Variants in C1orf54 observed in about 807,000 individuals in gnomAD.
The protein encoded by C1orf54 is chromosome 1 open reading frame 54.
A neutral mutation model predicts 14.7 loss-of-function variants in C1orf54; 12 were observed. The ratio of observed to expected loss-of-function variants is 0.82; its 90% CI spans 0.52 to 1.32. The LOEUF is 1.32. Among genes scored for constraint, C1orf54 ranks in the 40% most tolerant of loss-of-function variants. The pLI is 0.00. For synonymous variants in C1orf54, 65 were observed against 56.3 expected (o/e 1.16, Z -0.70); for missense variants, 163 against 162.2 (o/e 1.00, Z -0.03).
intron 1 of C1orf54, 123 bp downstream of exon 1, chr1:150,272,986 G>A (rs964089822): frequency 2.0e-5 from 23 of 1,122,922 alleles, no homozygotes; most frequent in Admixed American, 5.5e-5. Context: ...TTTTCTCATC[G>A]TGCTGGGGTC....
rs782564967 is a variant in C1orf54 at position 150,272,904 on chromosome 1, C to T, written c.46+41C>T. 6.2e-6 allele frequency: 10 copies of T among 1,609,848 alleles called. No homozygotes were observed. The Middle Eastern group carries it at 1.3e-3, about 213-fold the overall frequency. ...TCTCTGAGCTTTTGTGCCAGGTCTT[C>T]TACCATAAATGGGGTGGGAGAAAAA... On this transcript the variant is annotated intron_variant, in intron 1 of 5. Coordinates refer to ENST00000369099, the MANE Select transcript of C1orf54 (RefSeq NM_024579.4).
At chr1:150,272,884 G>C (rs199961326) in intron 1 of C1orf54, 21 bp downstream of exon 1, 31 of 1,613,712 alleles carry the variant, frequency 1.9e-5, no homozygotes, top group Non-Finnish European at 2.2e-5. Context: ...TCCTCTCTCT[G>C]AGCTTTTGTG....
chr1:150,273,886 A>G (rs1430628273), intron 1 of C1orf54, among the ~76,000 whole-genome samples: 3 of 152,172 alleles, frequency 2.0e-5, no homozygotes, highest in African/African-American at 7.2e-5. Context: ...AACAGGCCTC[A>G]TTACAGATAT....
rs587716283 is a variant in C1orf54, at chr1:150,273,997, A to C, written c.47-90A>C. 4.9e-6 allele frequency: 4 copies of C among 813,538 alleles called. No individual in the cohort carries two copies. The South Asian group carries it at 6.1e-5, about 12-fold the overall frequency. 50.4% of individuals were successfully genotyped at this position (813,538 alleles called of 1,614,324 possible). ...AGAGAGAAAAGAAAGAAAGAGCAAG[A>C]AAGCTGGGAGCGCTGAGGTCATCTC... is the stretch of plus-strand genomic sequence containing the variant. On this transcript the variant is annotated intron_variant, in intron 1 of 5. Transcript: ENST00000369099.
chr1:150,270,763 G>A (rs902130426), upstream of C1orf54, among the ~76,000 whole-genome samples: 2 of 152,064 alleles, frequency 1.3e-5, no homozygotes, highest in Non-Finnish European at 2.9e-5. Flanking sequence ...TTGGGAGGTC[G>A]AGGCAGGCAG....
intron 1 of C1orf54, among the ~76,000 whole-genome samples, 156 bp downstream of exon 1, chr1:150,273,019 A>C (rs114664252): frequency 6.6e-6 from 1 of 151,936 alleles, no homozygotes; most frequent in Non-Finnish European, 1.5e-5. Flanking sequence ...CAGAATGGAG[A>C]TCTGGAAGGC....
Position 150,279,800 on chromosome 1 carries a change from A to G in C1orf54, c.*3+59A>G. ...GTGAAATAATATTTTTTAACTTCCC[A>G]CACTAAACCGAAGTAATTCTTACCA... On this transcript the variant is annotated intron_variant, in intron 5 of 5. Coordinates refer to ENST00000369099, the MANE Select transcript of C1orf54 (RefSeq NM_024579.4). The G allele has an allele frequency of 3.6e-6, 5 of 1,384,702 alleles. No homozygotes were observed. The South Asian group carries it at 3.8e-5, about 10-fold the overall frequency. The allele number at this position is 1,384,702 out of a possible 1,614,324, so 85.8% of individuals were successfully genotyped here.
chr1:150,269,102 G>A (rs1553850725), upstream of C1orf54: 4 of 351,970 alleles, frequency 1.1e-5, no homozygotes, highest in Non-Finnish European at 2.2e-5. Context: ...CGCGGGCGGA[G>A]CTGCTCGACC....
chr1:150,270,595 A>T (rs1454517484), upstream of C1orf54, among the ~76,000 whole-genome samples: 1 of 151,878 alleles, frequency 6.6e-6, no homozygotes, highest in Non-Finnish European at 1.5e-5. Flanking sequence ...GTGAGCTGAG[A>T]TCCCACCACT....
chr1:150,276,497 G>A (rs782351170), intron 3 of C1orf54, 25 bp from the exon 4 acceptor site: 4 of 1,574,772 alleles, frequency 2.5e-6, no homozygotes, highest in Non-Finnish European at 3.5e-6. Flanking sequence ...ATAACTCTGT[G>A]TTTCCCAAAT....
chr1:150,268,868 C>T (rs1553850594), upstream of C1orf54: 3 of 1,497,116 alleles, frequency 2.0e-6, no homozygotes, highest in East Asian at 2.4e-5. Context: ...ATGGGAGGGG[C>T]GCGCCAGCTG....
upstream of C1orf54, among the ~76,000 whole-genome samples, chr1:150,270,195 C>CAA (rs200791850): frequency 7.5e-4 from 113 of 150,482 alleles, no homozygotes; most frequent in East Asian, 1.9e-3. Context: ...ATCAAAGTAC[C>CAA]AAAAAAAACC....
At chr1:150,272,573 A>T, upstream of C1orf54, 1 of 526,266 alleles carries the variant, frequency 1.9e-6, no homozygotes. Flanking sequence ...GGGCAGGGGG[A>T]GCTTAAGAAA....
chr1:150,271,359 A>G (rs1285302515), upstream of C1orf54, among the ~76,000 whole-genome samples: 1 of 152,156 alleles, frequency 6.6e-6, no homozygotes, highest in African/African-American at 2.4e-5. Context: ...TGTCCGCCTA[A>G]GCCTCCCAAA....
At chr1:150,277,707 CAG>C (rs1553852791) in intron 4 of C1orf54, among the ~76,000 whole-genome samples, 2 of 152,058 alleles carry the variant, frequency 1.3e-5, no homozygotes, top group African/African-American at 4.8e-5. Flanking sequence ...GGGCAAATTT[CAG>C]AGAGTCTCAG....
At position 150,275,733 on chromosome 1, in the gene C1orf54, C is replaced by G. The variant is rs1652594494; in HGVS notation, c.131-8C>G. The G allele has an allele frequency of 6.2e-7, 1 of 1,604,568 alleles. No individual in the cohort carries two copies. The highest frequency in any genetic ancestry group is 1.7e-5 in the Admixed American group (1 of 59,760). ...TTAATTATTACTGATTTTCTTTCTC[C>G]TCTGCAGATGACTTTAGTGCAGATT... On this transcript the variant is annotated splice_polypyrimidine_tract_variant and splice_region_variant and intron_variant, in intron 2 of 5. Coordinates refer to ENST00000369099, the MANE Select transcript of C1orf54 (RefSeq NM_024579.4).
chr1:150,280,042 T>G (rs1652968924), intron 5 of C1orf54, among the ~76,000 whole-genome samples: 1 of 152,112 alleles, frequency 6.6e-6, no homozygotes, highest in African/African-American at 2.4e-5. Context: ...TAAGAACTCC[T>G]CTACAAGACG....
chr1:150,273,300 G>A (rs1361088154), intron 1 of C1orf54, among the ~76,000 whole-genome samples: 1 of 152,216 alleles, frequency 6.6e-6, no homozygotes, highest in Non-Finnish European at 1.5e-5. Flanking sequence ...TAGGGTAGTG[G>A]AAAACTGGCT....
chr1:150,271,056 G>A (rs1208552850), upstream of C1orf54, among the ~76,000 whole-genome samples: 1 of 151,072 alleles, frequency 6.6e-6, no homozygotes, highest in Non-Finnish European at 1.5e-5. Context: ...CAAGACTCCA[G>A]TATGTCCTGC....
Sources: gnomAD v4.1 joint callset for allele counts (sites outside exome capture counted in the v4.1 genomes callset) on GRCh38, gnomAD v4.1.1 for gene constraint, MANE v1.5 for transcripts, NCBI Gene and HGNC (gene_info 2026-07-23, HGNC 2026-07-21) for gene names.